BLOC1S3: variants seen among roughly 807,000 people sequenced by gnomAD.
BLOC1S3 encodes the protein biogenesis of lysosomal organelles complex 1 subunit 3, also known as biogenesis of lysosome-related organelles complex 1 subunit 3.
BLOC1S3 carries 7 observed loss-of-function variants against 9.1 expected under a neutral mutation model. That is an observed-to-expected ratio of 0.77 (90% confidence interval 0.44 to 1.45). The LOEUF (loss-of-function observed/expected upper bound fraction) is 1.45. Among genes scored for constraint, BLOC1S3 ranks in the 40% most tolerant of loss-of-function variants. The pLI, the probability that BLOC1S3 is intolerant of heterozygous loss-of-function variation, is 0.01. For missense variants in BLOC1S3, 307 were observed against 315.2 expected (o/e 0.97, Z 0.20); for synonymous variants, 145 against 158.4 (o/e 0.92, Z 0.64).
chr19:45,209,553 C>T (rs1969752317), intron 3 of BLOC1S3, among the ~76,000 whole-genome samples: 2 of 152,100 alleles, frequency 1.3e-5, no homozygotes, highest in African/African-American at 4.8e-5. Context: ...TCCCGAGTAG[C>T]TGGGACTACA....
intron 3 of BLOC1S3, among the ~76,000 whole-genome samples, chr19:45,204,901 T>C (rs1372013085): frequency 6.6e-6 from 1 of 151,594 alleles, no homozygotes. Flanking sequence ...CTGGTTAATT[T>C]TTTTGTATTT....
Position 45,195,115 on chromosome 19 carries a change from G to A in BLOC1S3, n.181-7291G>A, listed in dbSNP as rs963815861. Among the ~76,000 whole-genome samples, 4 of 152,128 alleles carry A rather than the reference G, an allele frequency of 2.6e-5. No homozygotes were observed. The East Asian group carries it at 5.8e-4, about 22-fold the overall frequency. On this transcript the variant is annotated intron_variant and non_coding_transcript_variant, in intron 2 of 3. Transcript: ENST00000591569. ...GTAGAGATGGGGTTTCTGCATGTTG[G>A]TCAGGCTGGGCTTGAACTCCTGACC...
chr19:45,185,785 G>A (rs1969561738), downstream of BLOC1S3, among the ~76,000 whole-genome samples: 1 of 151,684 alleles, frequency 6.6e-6, no homozygotes, highest in Non-Finnish European at 1.5e-5. Context: ...CCAAGCAGGA[G>A]AGAGGCAGGG....
intron 3 of BLOC1S3, among the ~76,000 whole-genome samples, chr19:45,211,841 T>G (rs1599758057): frequency 6.7e-6 from 1 of 148,374 alleles, no homozygotes; most frequent in African/African-American, 2.5e-5. Flanking sequence ...ATCCCACAAG[T>G]CAGGAAACAT....
chr19:45,212,043 C>T (rs1413709501), intron 3 of BLOC1S3, among the ~76,000 whole-genome samples: 1 of 152,156 alleles, frequency 6.6e-6, no homozygotes, highest in African/African-American at 2.4e-5. Context: ...CCTCCTTCCT[C>T]TCCTGACAGG....
At chr19:45,194,984 T>A (rs1335287124) in intron 2 of BLOC1S3, among the ~76,000 whole-genome samples, 1 of 149,490 alleles carries the variant, frequency 6.7e-6, no homozygotes, top group African/African-American at 2.5e-5. Context: ...CAGGCTGGAG[T>A]GCAATGACAT....
chr19:45,179,150 G>A lies in BLOC1S3; in HGVS notation c.-9-138G>A. On this transcript the variant is annotated intron_variant, in intron 1 of 1. Coordinates refer to ENST00000433642, the MANE Select transcript of BLOC1S3 (RefSeq NM_212550.5). This position sits in a 1 kb window ranked among gnomAD's most constrained non-coding sequence, Gnocchi z 4.6. The stretch of plus-strand genomic sequence containing the variant: ...CATCATCACCCAGTTTACAGAAGAG[G>A]AAACTGAGGCCCAGACGGGGAGCAG... 1.0e-6 allele frequency: 1 copy of A among 980,364 alleles called. No individual in the cohort carries two copies. Among genetic ancestry groups the A allele is most frequent in the East Asian group, 3.1e-5 (1 of 32,054 alleles). 60.7% of individuals were successfully genotyped at this position (980,364 alleles called of 1,614,324 possible).
chr19:45,206,248 T>C (rs987339133), intron 3 of BLOC1S3, among the ~76,000 whole-genome samples: 1 of 151,176 alleles, frequency 6.6e-6, no homozygotes, highest in Non-Finnish European at 1.5e-5. Context: ...TTCCAGCTAT[T>C]TGGGAGGCTG....
At chr19:45,202,905 G>A (rs897547663) in intron 3 of BLOC1S3, among the ~76,000 whole-genome samples, 2 of 152,028 alleles carry the variant, frequency 1.3e-5, no homozygotes, top group Non-Finnish European at 2.9e-5. Context: ...CAAGGCAGCG[G>A]CTTCCCTTCT....
chr19:45,200,277 G>A (rs1335425943), intron 2 of BLOC1S3, among the ~76,000 whole-genome samples: 1 of 150,344 alleles, frequency 6.7e-6, no homozygotes, highest in Non-Finnish European at 1.5e-5. Context: ...CACCTCCCGA[G>A]TTCATGCCAT....
chr19:45,200,631 C>G (rs1314165551), intron 2 of BLOC1S3, among the ~76,000 whole-genome samples: 2 of 152,236 alleles, frequency 1.3e-5, no homozygotes, highest in African/African-American at 4.8e-5. Context: ...TCACATAGCT[C>G]TGTCACAATG....
chr19:45,206,814 T>C (rs775969997), intron 3 of BLOC1S3, among the ~76,000 whole-genome samples: 6 of 151,916 alleles, frequency 3.9e-5, no homozygotes, highest in Non-Finnish European at 8.8e-5. Flanking sequence ...TGTAGGCTTA[T>C]TAGCTATAGC....
At position 45,179,889 on chromosome 19, in the gene BLOC1S3, C is replaced by T. The variant is rs1472001617; in HGVS notation, c.593C>T (p.Pro198Leu). The T allele has an allele frequency of 5.0e-6, 8 of 1,608,328 alleles. No individual in the cohort carries two copies. Among genetic ancestry groups the T allele is most frequent in the Non-Finnish European group, 5.9e-6 (7 of 1,177,892 alleles). Reference protein sequence around the residue: ...GVPGTEPEKDPGPRA With the variant: ...GVPGTEPEKDLGPRA ...CCAGGGACCGAGCCTGAGAAAGACC[C>T]GGGGCCGCGGGCCTAGCCATGATTC... Residue 198 changes from proline to leucine, a missense_variant, in exon 2 of 2, where the codon CCG becomes CTG. By Grantham distance (98) the Pro-to-Leu change is moderately conservative. Coordinates refer to ENST00000433642, the MANE Select transcript of BLOC1S3 (RefSeq NM_212550.5). This position sits in a 1 kb window ranked among gnomAD's most constrained non-coding sequence, Gnocchi z 4.6.
At chr19:45,204,086 A>C (rs1259153195) in intron 3 of BLOC1S3, among the ~76,000 whole-genome samples, 3 of 151,872 alleles carry the variant, frequency 2.0e-5, no homozygotes, top group Non-Finnish European at 1.5e-5. Context: ...GGCTCACTGC[A>C]ATCTCTGCCT....
At chr19:45,185,697 A>C (rs1193136585), downstream of BLOC1S3, among the ~76,000 whole-genome samples, 1 of 151,900 alleles carries the variant, frequency 6.6e-6, no homozygotes, top group Non-Finnish European at 1.5e-5. Flanking sequence ...CTGAAGACTC[A>C]GTCAAGAGCC....
At chr19:45,208,601 A>G (rs1378724534) in intron 3 of BLOC1S3, among the ~76,000 whole-genome samples, 1 of 152,056 alleles carries the variant, frequency 6.6e-6, no homozygotes. Flanking sequence ...CTAAAAATAC[A>G]AAAATTAGCT....
intron 3 of BLOC1S3, among the ~76,000 whole-genome samples, chr19:45,215,426 G>GTGCC (rs894489963): frequency 1.3e-5 from 2 of 151,786 alleles, no homozygotes; most frequent in Non-Finnish European, 2.9e-5. Context: ...AACCGTGATT[G>GTGCC]TGCCACTGCA....
In BLOC1S3 at chr19:45,179,502, C is replaced by G. The variant is rs1342173833; in HGVS notation, c.206C>G (p.Pro69Arg). The stretch of plus-strand genomic sequence containing the variant: ...GCGGAGACCGACTCGGAGCCGGAGC[C>G]GGAGCCGGAACCGACGGCCGCGCCG... ...EAAETDSEPE[P>R]EPEPTAAPRD... Residue 69 changes from proline (P) to arginine (R), a missense_variant, in exon 2 of 2, where the codon CCG (proline) becomes CGG (arginine). Physicochemically the swap from Pro to Arg is moderately radical, Grantham distance 103. Coordinates refer to ENST00000433642, the MANE Select transcript of BLOC1S3 (RefSeq NM_212550.5). This position sits in a 1 kb window ranked among gnomAD's most constrained non-coding sequence, Gnocchi z 4.6. The G allele has an allele frequency of 2.0e-6, 3 of 1,523,294 alleles. No homozygotes were observed. The highest frequency in any genetic ancestry group is 2.6e-6 in the Non-Finnish European group (3 of 1,142,622). 94.4% of individuals were successfully genotyped at this position (1,523,294 alleles called of 1,614,324 possible).
chr19:45,210,330 TGCTC>T (rs1284741666), intron 3 of BLOC1S3, among the ~76,000 whole-genome samples: 2 of 144,582 alleles, frequency 1.4e-5, no homozygotes, highest in East Asian at 4.1e-4. Flanking sequence ...GATGGAGTCT[TGCTC>T]TGTCTCTTAG....
Sources: gnomAD v4.1 joint callset for allele counts (sites outside exome capture counted in the v4.1 genomes callset) on GRCh38, gnomAD v4.1.1 for gene constraint, Gnocchi (gnomAD v3.1) non-coding constraint, MANE v1.5 for transcripts, NCBI Gene and HGNC (gene_info 2026-07-23, HGNC 2026-07-21) for gene names.